Variants in SELENOT observed in about 807,000 individuals in gnomAD.
The protein encoded by SELENOT is selenoprotein T.
Under a neutral mutation model 24.3 loss-of-function variants are expected in SELENOT, and 9 were observed. The ratio of observed to expected loss-of-function variants is 0.37; its 90% confidence interval spans 0.22 to 0.65. The LOEUF (loss-of-function observed/expected upper bound fraction) is 0.65. SELENOT is among the 30% of genes least tolerant of loss of function. The pLI, the probability that SELENOT is intolerant of heterozygous loss-of-function variation, is 0.60. For missense variants in SELENOT, 166 were observed against 247.6 expected (o/e 0.67, Z 2.21); for synonymous variants, 81 against 86.0 (o/e 0.94, Z 0.32).
Position 150,630,267 on chromosome 3 carries a change from T to A in SELENOT, c.*2638T>A, listed in dbSNP as rs958497428. On this transcript the variant is annotated 3_prime_UTR_variant, in exon 6 of 6. Transcript: ENST00000471696. ...TTGGCTGGCAAACATTTTATCATTG[T>A]CAGAATTTAATTTAGATTTCAAAAA... 5.0e-4 allele frequency: 76 copies of A among 152,204 alleles called. No individual in the cohort carries two copies. The highest frequency in any genetic ancestry group is 2.6e-4 in the Admixed American group (4 of 15,286). 9.4% of individuals were successfully genotyped at this position (152,204 alleles called of 1,614,324 possible).
chr3:150,619,597 A>G (rs1316875828), intron 1 of SELENOT, among the ~76,000 whole-genome samples: 3 of 152,226 alleles, frequency 2.0e-5, no homozygotes, highest in African/African-American at 7.2e-5. Context: ...AGTCCGGAGC[A>G]GAAGGATAGG....
intron 1 of SELENOT, among the ~76,000 whole-genome samples, chr3:150,619,100 A>C (rs1726279796): frequency 6.6e-6 from 1 of 151,842 alleles, no homozygotes; most frequent in African/African-American, 2.4e-5. Flanking sequence ...GGGCGCCTGT[A>C]GTCTCAGCTA....
chr3:150,607,253 A>G (rs1362042156), intron 1 of SELENOT, among the ~76,000 whole-genome samples: 1 of 152,238 alleles, frequency 6.6e-6, no homozygotes, highest in East Asian at 1.9e-4. Flanking sequence ...AAATGAAACA[A>G]CTGTACCAAA....
intron 5 of SELENOT, 26 bp downstream of exon 5, chr3:150,627,189 G>A (rs1488643088): frequency 2.0e-5 from 30 of 1,537,518 alleles, no homozygotes; most frequent in Non-Finnish European, 2.6e-5. Flanking sequence ...TATAGCTAAT[G>A]TATAGGTTTC....
chr3:150,611,004 C>CGTGTGTGTGTGT (rs113532087), intron 1 of SELENOT, among the ~76,000 whole-genome samples: 3,279 of 145,458 alleles, frequency 0.023, 62 homozygotes, highest in East Asian at 0.053. Context: ...CATCATGAGT[C>CGTGTGTGTGTGT]GTGTGTGTGT....
chr3:150,622,945 T>A (rs1373823216), intron 2 of SELENOT, 98 bp from the exon 3 acceptor site: 2 of 1,086,032 alleles, frequency 1.8e-6, no homozygotes, highest in Non-Finnish European at 2.5e-6. Flanking sequence ...CTTTTAGATT[T>A]GGTGTCTAGA....
intron 1 of SELENOT, chr3:150,611,571 G>A (rs1185110281): frequency 1.3e-5 from 17 of 1,267,602 alleles, no homozygotes; most frequent in Non-Finnish European, 2.0e-5. Context: ...TCTGAATTAA[G>A]TTTTTATGAT....
In SELENOT at chr3:150,628,319, A is replaced by C. The variant is rs945315519; in HGVS notation, c.*690A>C. On this transcript the variant is annotated 3_prime_UTR_variant, in exon 6 of 6. Transcript: ENST00000471696. Reference sequence around the variant, plus strand: ...TGTCATGCCTTGACCAATCTAATGAATTGATTAATTAACTGGGCCTTTATA... The same window carrying C: ...TGTCATGCCTTGACCAATCTAATGACTTGATTAATTAACTGGGCCTTTATA... The C allele has an allele frequency of 6.6e-6, 1 of 152,618 alleles. No individual in the cohort carries two copies. Among genetic ancestry groups the C allele is most frequent in the South Asian group, 2.1e-4 (1 of 4,834 alleles). The allele number at this position is 152,618 out of a possible 1,614,324, so 9.5% of individuals were successfully genotyped here.
chr3:150,620,068 A>T (rs1726307078), intron 1 of SELENOT, among the ~76,000 whole-genome samples: 1 of 152,226 alleles, frequency 6.6e-6, no homozygotes, highest in Admixed American at 6.5e-5. Context: ...CAAAGGTCTA[A>T]GACTTAACTG....
chr3:150,623,702 C>A (rs1726386211), intron 3 of SELENOT, among the ~76,000 whole-genome samples: 1 of 152,018 alleles, frequency 6.6e-6, no homozygotes, highest in African/African-American at 2.4e-5. Context: ...TGCTGTTTCT[C>A]TTTTCCTTTT....
rs1288869817 is a variant in SELENOT at position 150,628,429 on chromosome 3, TA to T, written c.*802del. ...TCAGTGTACCTGTTAACATTATATT[TA>T]ACAATTGCTTAAATTTTTGTTTTTG... On this transcript the variant is annotated 3_prime_UTR_variant, in exon 6 of 6. Coordinates refer to ENST00000471696, the MANE Select transcript of SELENOT (RefSeq NM_016275.5). 2 of 152,780 alleles carry T rather than the reference TA, an allele frequency of 1.3e-5. No individual in the cohort carries two copies. The highest frequency in any genetic ancestry group is 2.1e-4 in the South Asian group (1 of 4,832). 9.5% of individuals were successfully genotyped at this position (152,780 alleles called of 1,614,324 possible).
intron 1 of SELENOT, 27 bp downstream of exon 1, chr3:150,603,526 A>G (rs762793246): frequency 6.6e-7 from 1 of 1,516,974 alleles, no homozygotes; most frequent in East Asian, 2.5e-5. Flanking sequence ...GGCCCCGGCC[A>G]CCCCGCCGCG....
At chr3:150,612,111 T>G (rs1726109469) in intron 1 of SELENOT, among the ~76,000 whole-genome samples, 1 of 151,734 alleles carries the variant, frequency 6.6e-6, no homozygotes, top group Admixed American at 6.5e-5. Flanking sequence ...TTTTTTTTTT[T>G]GAGACAGAAT....
chr3:150,622,929 A>G, intron 2 of SELENOT, 114 bp from the exon 3 acceptor site: 1 of 931,224 alleles, frequency 1.1e-6, no homozygotes, highest in East Asian at 2.9e-5. Context: ...CTTTTTCTAT[A>G]AGTAACTTTT....
At position 150,605,787 on chromosome 3, in the gene SELENOT, C is replaced by G. The variant is rs547760092; in HGVS notation, c.137+2288C>G. ...ATTGGGTTTCTGGTTTTGCTAGAAT[C>G]TTGTGGACATTAATTTGCAAGTTTG... On this transcript the variant is annotated intron_variant, in intron 1 of 5. Transcript: ENST00000471696. Among the ~76,000 whole-genome samples, 3 of 152,230 alleles carry G rather than the reference C, an allele frequency of 2.0e-5. No individual in the cohort carries two copies. The East Asian group carries it at 5.8e-4, about 29-fold the overall frequency.
At position 150,603,717 on chromosome 3, in the gene SELENOT, A is replaced by G. The variant is rs1030864611; in HGVS notation, c.137+218A>G. 5 of 463,638 alleles carry G rather than the reference A, an allele frequency of 1.1e-5. No individual in the cohort carries two copies. In the Admixed American group the frequency reaches 2.1e-4, roughly 19 times the overall value. The allele number at this position is 463,638 out of a possible 1,614,324, so 28.7% of individuals were successfully genotyped here. On this transcript the variant is annotated intron_variant, in intron 1 of 5. Transcript: ENST00000471696. ...ACTGCTCACTTGTTTTTTGCCTCCT[A>G]GAACAGTGGGAATGGGGAAGGAGGG...
At chr3:150,621,322 A>G (rs1726338675) in intron 1 of SELENOT, among the ~76,000 whole-genome samples, 3 of 152,020 alleles carry the variant, frequency 2.0e-5, no homozygotes, top group Non-Finnish European at 2.9e-5. Flanking sequence ...AACATTTTTT[A>G]CCATTTTACC....
chr3:150,618,091 A>G (rs894009920), intron 1 of SELENOT, among the ~76,000 whole-genome samples: 3 of 152,186 alleles, frequency 2.0e-5, no homozygotes, highest in Admixed American at 2.0e-4. Flanking sequence ...TCCTGACCTC[A>G]GGTGATCCAC....
intron 1 of SELENOT, chr3:150,611,250 A>G (rs1334325673): frequency 3.4e-6 from 4 of 1,189,614 alleles, no homozygotes; most frequent in African/African-American, 3.1e-5. Flanking sequence ...TTTAGTCTCA[A>G]TTCCACATCT....
Sources: gnomAD v4.1 joint callset for allele counts (sites outside exome capture counted in the v4.1 genomes callset) on GRCh38, gnomAD v4.1.1 for gene constraint, MANE v1.5 for transcripts, NCBI Gene and HGNC (gene_info 2026-07-23, HGNC 2026-07-21) for gene names.